KCNAB1: variants seen among roughly 807,000 people sequenced by gnomAD.
KCNAB1 encodes the protein voltage-gated potassium channel subunit beta-1.
In KCNAB1, 35 loss-of-function variants were observed where a neutral mutation model predicts 64.6. That is an observed-to-expected ratio of 0.54 (90% confidence interval 0.41 to 0.72). KCNAB1 has a LOEUF of 0.72. Ranked by LOEUF, KCNAB1 falls within the 30% of genes least tolerant of loss-of-function variation. KCNAB1 has a pLI of 0.00. For synonymous variants in KCNAB1, 177 were observed against 183.8 expected (o/e 0.96, Z 0.30); for missense variants, 401 against 512.9 (o/e 0.78, Z 2.11).
rs946135420 is a variant in KCNAB1, at chr3:156,452,026, C to T, written c.320-873C>T. ...GAGCTCCTGCGAGACAGGAACTGGG[C>T]CAATCATCTCACTGTCCCTTACACG... On this transcript the variant is annotated intron_variant, in intron 2 of 13. Transcript: ENST00000490337. The surrounding 1 kb of genome is among the most constrained non-coding windows in gnomAD (Gnocchi z 4.6). 1.3e-5 allele frequency among the ~76,000 whole-genome samples: 2 copies of T among 152,140 alleles called. No homozygotes were observed. Among genetic ancestry groups the T allele is most frequent in the Admixed American group, 6.5e-5 (1 of 15,268 alleles).
At chr3:156,282,642 T>G (rs1478225215) in intron 1 of KCNAB1, among the ~76,000 whole-genome samples, 263 of 129,910 alleles carry the variant, frequency 2.0e-3, no homozygotes, top group Middle Eastern at 7.1e-3. Context: ...TTATGAATCT[T>G]GGTGCTCCTG....
chr3:156,341,401 C>T (rs531772732), intron 1 of KCNAB1, among the ~76,000 whole-genome samples: 1 of 152,334 alleles, frequency 6.6e-6, no homozygotes, highest in South Asian at 2.1e-4. Flanking sequence ...TCAGTTCTTA[C>T]CACCTTAACC....
intron 8 of KCNAB1, among the ~76,000 whole-genome samples, chr3:156,513,956 T>A (rs770256248): frequency 6.6e-6 from 1 of 152,230 alleles, no homozygotes; most frequent in Non-Finnish European, 1.5e-5. Context: ...TCACCTTCAA[T>A]GACCTTACAT....
chr3:156,479,028 G>T (rs930711435), intron 8 of KCNAB1, among the ~76,000 whole-genome samples: 4 of 152,140 alleles, frequency 2.6e-5, no homozygotes, highest in African/African-American at 9.7e-5. Context: ...GGGAGCTTGT[G>T]TACTTTTTCC....
intron 13 of KCNAB1, among the ~76,000 whole-genome samples, chr3:156,535,180 T>C (rs1393904056): frequency 3.3e-5 from 5 of 152,206 alleles, no homozygotes; most frequent in Non-Finnish European, 5.9e-5. Flanking sequence ...GAATGAAGTT[T>C]CCCAGGCTGG....
chr3:156,138,714 A>G (rs1714519387), intron 1 of KCNAB1, among the ~76,000 whole-genome samples: 1 of 152,354 alleles, frequency 6.6e-6, no homozygotes, highest in South Asian at 2.1e-4. Flanking sequence ...TTTAAGATAC[A>G]CAGAACATCA....
At chr3:156,342,609 A>ATTTTT (rs59689669) in intron 1 of KCNAB1, among the ~76,000 whole-genome samples, 3 of 104,686 alleles carry the variant, frequency 2.9e-5, no homozygotes, top group Non-Finnish European at 3.9e-5. Flanking sequence ...TTTTTTTTTA[A>ATTTTT]TTTTTTTTTT....
intron 8 of KCNAB1, among the ~76,000 whole-genome samples, chr3:156,478,643 T>C (rs1271644845): frequency 6.6e-6 from 1 of 152,166 alleles, no homozygotes; most frequent in Non-Finnish European, 1.5e-5. Flanking sequence ...ACAACTTCCA[T>C]TTAAATATTA....
At chr3:156,167,468 G>A (rs1711658104) in intron 1 of KCNAB1, among the ~76,000 whole-genome samples, 1 of 152,284 alleles carries the variant, frequency 6.6e-6, no homozygotes, top group South Asian at 2.1e-4. Context: ...ACTGTTTTAA[G>A]CAAGAACATT....
chr3:156,515,659 C>T (rs556566429), intron 10 of KCNAB1, among the ~76,000 whole-genome samples: 6 of 152,242 alleles, frequency 3.9e-5, no homozygotes, highest in South Asian at 2.1e-4. Context: ...ACTATTAAGT[C>T]GGGTACTATA....
In KCNAB1 at chr3:156,439,079, C is replaced by T. The variant is rs1716804111; in HGVS notation, c.320-13820C>T. 3.3e-5 allele frequency among the ~76,000 whole-genome samples: 5 copies of T among 151,978 alleles called. No individual in the cohort carries two copies. The South Asian group carries it at 1.0e-3, about 32-fold the overall frequency. ...ATGTCATCAGACTACCTGGACTCAT[C>T]CTGGCTCAGCCACTTACCAGCAAAT... is the stretch of plus-strand genomic sequence containing the variant. On this transcript the variant is annotated intron_variant, in intron 2 of 13. Transcript: ENST00000490337.
At position 156,349,630 on chromosome 3, in the gene KCNAB1, C is replaced by T. The variant is rs7611257; in HGVS notation, c.276-71986C>T. On this transcript the variant is annotated intron_variant, in intron 1 of 13. Transcript: ENST00000490337. ...AGGCTGGAGTGCAGTGGCACCATCA[C>T]GCCTCACTACACCTTGGCCTCCTGG... Among the ~76,000 whole-genome samples the T allele has an allele frequency of 7.8e-3, 1,181 of 152,276 alleles. 10 individuals carry two copies. The highest frequency in any genetic ancestry group is 0.027 in the African/African-American group (1,128 of 41,546).
At chr3:156,371,542 GA>G in intron 1 of KCNAB1, among the ~76,000 whole-genome samples, 1 of 152,188 alleles carries the variant, frequency 6.6e-6, no homozygotes, top group South Asian at 2.1e-4. Flanking sequence ...TCTATTTAGA[GA>G]AAAATAGGAT....
At chr3:156,169,810 T>C (rs1051687774) in intron 1 of KCNAB1, among the ~76,000 whole-genome samples, 2 of 152,256 alleles carry the variant, frequency 1.3e-5, no homozygotes, top group African/African-American at 4.8e-5. Flanking sequence ...GATTGTAGGT[T>C]TCCTGCAGCC....
At chr3:156,181,800 G>A (rs777851767) in intron 1 of KCNAB1, among the ~76,000 whole-genome samples, 7 of 152,144 alleles carry the variant, frequency 4.6e-5, no homozygotes, top group Non-Finnish European at 1.0e-4. Flanking sequence ...ATCTGAAAGA[G>A]GAAAGGCAGT....
At chr3:156,196,942 C>A (rs1300802531) in intron 1 of KCNAB1, among the ~76,000 whole-genome samples, 1 of 152,078 alleles carries the variant, frequency 6.6e-6, no homozygotes, top group African/African-American at 2.4e-5. Context: ...GTGTGTTTGT[C>A]GTAAATAGCT....
chr3:156,140,693 A>G (rs1714656113), intron 1 of KCNAB1, among the ~76,000 whole-genome samples: 1 of 152,230 alleles, frequency 6.6e-6, no homozygotes, highest in Non-Finnish European at 1.5e-5. Flanking sequence ...ACTTAATTCC[A>G]AATAGTAAAT....
intron 1 of KCNAB1, among the ~76,000 whole-genome samples, chr3:156,161,620 A>G (rs2108310590): frequency 6.6e-6 from 1 of 152,320 alleles, no homozygotes; most frequent in African/African-American, 2.4e-5. Context: ...TTCTTTTTGA[A>G]TATAGGTAAC....
chr3:156,466,176 A>G (rs1040583559), intron 7 of KCNAB1, among the ~76,000 whole-genome samples: 1 of 151,954 alleles, frequency 6.6e-6, no homozygotes, highest in African/African-American at 2.4e-5. Context: ...CCATAAATCT[A>G]CTTTTTATCT....
Sources: gnomAD v4.1 joint callset for allele counts (sites outside exome capture counted in the v4.1 genomes callset) on GRCh38, gnomAD v4.1.1 for gene constraint, Gnocchi (gnomAD v3.1) non-coding constraint, MANE v1.5 for transcripts, NCBI Gene and HGNC (gene_info 2026-07-23, HGNC 2026-07-21) for gene names.